Variants in TNS3 observed in about 807,000 individuals in gnomAD.
TNS3 encodes tensin 3, also known as tensin-3.
A neutral mutation model predicts 140.9 loss-of-function variants in TNS3; 45 were observed. The observed-to-expected ratio is 0.32, with a 90% CI of 0.25 to 0.41. The LOEUF (loss-of-function observed/expected upper bound fraction) is 0.41. Among genes scored for constraint, TNS3 ranks in the 10% least tolerant of loss-of-function variants. The probability of loss-of-function intolerance (pLI) is 1.00; values close to 1 mark genes in which losing one functional copy is unlikely to be tolerated. For synonymous variants in TNS3, 815 were observed against 788.4 expected, an observed-to-expected ratio of 1.03 and a Z score of -0.56; for missense variants, 1,716 against 1,906.7, an observed-to-expected ratio of 0.90 and a Z score of 1.86.
At chr7:47,474,656 CAAAA>C (rs1479178690) in intron 4 of TNS3, among the ~76,000 whole-genome samples, 1 of 147,580 alleles carries the variant, frequency 6.8e-6, no homozygotes, top group Non-Finnish European at 1.5e-5. Flanking sequence ...ACAACACACA[CAAAA>C]AACACCTCAC....
At chr7:47,298,539 A>G (rs1771129192) in intron 23 of TNS3, among the ~76,000 whole-genome samples, 1 of 152,242 alleles carries the variant, frequency 6.6e-6, no homozygotes, top group Admixed American at 6.5e-5. Flanking sequence ...TTTATTTTAA[A>G]AAAGGGAAAA....
chr7:47,514,829 CGAATCTACTCAATTCCAGAATGCCG>C (rs1360106605), intron 2 of TNS3, among the ~76,000 whole-genome samples: 3 of 152,158 alleles, frequency 2.0e-5, no homozygotes, highest in Non-Finnish European at 2.9e-5. Flanking sequence ...CTTTTGGGGC[CGAATCTACTCAATTCCAGAATGCCG>C]AGACTCACCC....
intron 20 of TNS3, among the ~76,000 whole-genome samples, chr7:47,338,815 G>A (rs925140156): frequency 3.3e-5 from 5 of 152,264 alleles, no homozygotes; most frequent in East Asian, 1.9e-4. Flanking sequence ...AAGTGCATGC[G>A]TCTTTTTGGT....
At chr7:47,442,817 G>A (rs990023851) in intron 4 of TNS3, among the ~76,000 whole-genome samples, 7 of 152,068 alleles carry the variant, frequency 4.6e-5, no homozygotes, top group Admixed American at 3.3e-4. Context: ...CAGAGCCTCC[G>A]GCACTCCTCC....
chr7:47,449,249 T>A (rs1795902044), intron 4 of TNS3, among the ~76,000 whole-genome samples: 1 of 152,222 alleles, frequency 6.6e-6, no homozygotes, highest in East Asian at 1.9e-4. Context: ...TGTCGTGCAA[T>A]TAATGCTAGT....
Position 47,290,792 on chromosome 7 carries a change from A to G in TNS3, c.3928+1163T>C, listed in dbSNP as rs570605044. 2.0e-5 allele frequency among the ~76,000 whole-genome samples: 3 copies of G among 152,296 alleles called. No individual in the cohort carries two copies. The South Asian group carries it at 6.2e-4, about 32-fold the overall frequency. On this transcript the variant is annotated intron_variant, in intron 27 of 30. Coordinates refer to ENST00000311160, the MANE Select transcript of TNS3 (RefSeq NM_022748.12). ...AGTTTGCCTGTACCTTATAAAACCA[A>G]ACACACTCTTACCATACAATCCAGG...
chr7:47,443,236 C>A (rs904567523), intron 4 of TNS3, among the ~76,000 whole-genome samples: 1 of 152,210 alleles, frequency 6.6e-6, no homozygotes, highest in African/African-American at 2.4e-5. Context: ...GGGCCAGTCT[C>A]ATGGAGCTGT....
intron 17 of TNS3, among the ~76,000 whole-genome samples, chr7:47,362,712 C>T (rs1358521846): frequency 6.6e-6 from 1 of 152,234 alleles, no homozygotes; most frequent in African/African-American, 2.4e-5. Flanking sequence ...ATCAACATCA[C>T]CATCACTAAC....
At chr7:47,344,594 T>C (rs567061232) in intron 20 of TNS3, among the ~76,000 whole-genome samples, 161 bp downstream of exon 20, 1 of 152,342 alleles carries the variant, frequency 6.6e-6, no homozygotes, top group South Asian at 2.1e-4. Flanking sequence ...CACGGCCACA[T>C]CCCTACATCT....
chr7:47,350,451 A>G (rs775346900), intron 17 of TNS3, among the ~76,000 whole-genome samples: 1 of 152,268 alleles, frequency 6.6e-6, no homozygotes, highest in Non-Finnish European at 1.5e-5. Flanking sequence ...CTGAGTGCAC[A>G]GCAGTCTAGA....
chr7:47,334,399 C>G (rs1788507797), intron 20 of TNS3, among the ~76,000 whole-genome samples: 1 of 152,104 alleles, frequency 6.6e-6, no homozygotes, highest in African/African-American at 2.4e-5. Flanking sequence ...CCTAAAGTCC[C>G]CAAACCCCCT....
chr7:47,525,320 G>A (rs188026021), intron 2 of TNS3, among the ~76,000 whole-genome samples: 82 of 152,340 alleles, frequency 5.4e-4, no homozygotes, highest in African/African-American at 1.9e-3. Context: ...GGGCCACGGG[G>A]CCACCACACT....
chr7:47,581,698 TG>T (rs1345421147), intron 1 of TNS3: 2 of 151,354 alleles, frequency 1.3e-5, no homozygotes, highest in African/African-American at 4.9e-5. Context: ...CCGGCGAAGC[TG>T]GCCCGCGCCC....
intron 4 of TNS3, among the ~76,000 whole-genome samples, chr7:47,460,212 C>CAAAA (rs10526565): frequency 7.0e-5 from 8 of 115,046 alleles, no homozygotes; most frequent in Non-Finnish European, 1.2e-4. Flanking sequence ...GACTCTGTCC[C>CAAAA]AAAAAAAAAA....
chr7:47,315,361 C>T (rs1787336616), intron 20 of TNS3, among the ~76,000 whole-genome samples: 1 of 152,218 alleles, frequency 6.6e-6, no homozygotes, highest in Admixed American at 6.5e-5. Context: ...GGGCAGCCCC[C>T]CGGGACCGGG....
intron 21 of TNS3, 89 bp from the exon 22 acceptor site, chr7:47,303,673 G>A (rs1361047800): frequency 6.9e-7 from 1 of 1,443,820 alleles, no homozygotes. Flanking sequence ...GGGAAGACAG[G>A]GATGGGGAAG....
intron 2 of TNS3, among the ~76,000 whole-genome samples, chr7:47,521,337 G>A (rs983080449): frequency 2.0e-5 from 3 of 152,170 alleles, no homozygotes; most frequent in Non-Finnish European, 4.4e-5. Flanking sequence ...CGAAGCCTTG[G>A]TCACCGTGGG....
chr7:47,359,971 T>C (rs907483416), intron 17 of TNS3, among the ~76,000 whole-genome samples: 1 of 152,134 alleles, frequency 6.6e-6, no homozygotes, highest in African/African-American at 2.4e-5. Context: ...CTCTCAGCAG[T>C]GTCTTCAGAG....
intron 2 of TNS3, among the ~76,000 whole-genome samples, chr7:47,522,728 ACCAT>A (rs1414010481): frequency 1.3e-5 from 2 of 152,164 alleles, no homozygotes; most frequent in African/African-American, 4.8e-5. Flanking sequence ...GGAGATCGAG[ACCAT>A]CCTGGCTAAC....
Sources: allele counts gnomAD v4.1 joint callset (sites outside exome capture counted in the v4.1 genomes callset), GRCh38; gene constraint gnomAD v4.1.1; transcripts MANE v1.5; gene names NCBI Gene and HGNC (gene_info 2026-07-23, HGNC 2026-07-21).